HS3ST5: variants seen among roughly 807,000 people sequenced by gnomAD.
HS3ST5 encodes heparan sulfate-glucosamine 3-sulfotransferase 5.
HS3ST5 carries 10 observed loss-of-function variants against 25.4 expected under a neutral mutation model. The ratio of observed to expected loss-of-function variants is 0.39; its 90% confidence interval spans 0.24 to 0.67. The LOEUF is 0.67. Ranked by LOEUF, HS3ST5 falls within the 30% of genes least tolerant of loss-of-function variation. The pLI, the probability that HS3ST5 is intolerant of heterozygous loss-of-function variation, is 0.44. For synonymous variants in HS3ST5, 170 were observed against 162.4 expected (o/e 1.05, Z -0.36); for missense variants, 324 against 420.7 (o/e 0.77, Z 2.01).
At chr6:114,216,393 T>A (rs1053556158) in intron 2 of HS3ST5, among the ~76,000 whole-genome samples, 2 of 152,200 alleles carry the variant, frequency 1.3e-5, no homozygotes, top group African/African-American at 4.8e-5. Flanking sequence ...GCTGTTAATT[T>A]TTTTATACTC....
At chr6:114,341,438 C>G (rs1776866731) in intron 1 of HS3ST5, among the ~76,000 whole-genome samples, 1 of 152,146 alleles carries the variant, frequency 6.6e-6, no homozygotes, top group Admixed American at 6.5e-5. Flanking sequence ...AAGACATCCA[C>G]CTTAAGCTGG....
At chr6:114,191,284 G>A (rs1216299694) in intron 2 of HS3ST5, among the ~76,000 whole-genome samples, 1 of 151,986 alleles carries the variant, frequency 6.6e-6, no homozygotes, top group Non-Finnish European at 1.5e-5. Flanking sequence ...ACTATAAAAT[G>A]AAAATATACT....
intron 2 of HS3ST5, among the ~76,000 whole-genome samples, chr6:114,187,945 C>T (rs747097623): frequency 2.0e-5 from 3 of 152,094 alleles, no homozygotes; most frequent in African/African-American, 4.8e-5. Context: ...TGCAGATGAT[C>T]GTTAGCAATA....
At chr6:114,079,554 G>A (rs1774333151) in intron 3 of HS3ST5, among the ~76,000 whole-genome samples, 1 of 152,130 alleles carries the variant, frequency 6.6e-6, no homozygotes, top group Non-Finnish European at 1.5e-5. Context: ...TTCCTCCACT[G>A]AAGTCTTGAA....
At chr6:114,168,849 G>A (rs911251958) in intron 2 of HS3ST5, among the ~76,000 whole-genome samples, 5 of 152,108 alleles carry the variant, frequency 3.3e-5, no homozygotes, top group Admixed American at 6.6e-5. Flanking sequence ...AAAATGTTAT[G>A]TATTGTGTAT....
At chr6:114,221,285 T>C (rs984352188) in intron 2 of HS3ST5, among the ~76,000 whole-genome samples, 1 of 152,010 alleles carries the variant, frequency 6.6e-6, no homozygotes, top group Non-Finnish European at 1.5e-5. Flanking sequence ...CCTACATTTT[T>C]AATAAAATTA....
At chr6:114,341,349 G>C (rs1562281514) in intron 1 of HS3ST5, among the ~76,000 whole-genome samples, 1 of 152,008 alleles carries the variant, frequency 6.6e-6, no homozygotes, top group East Asian at 1.9e-4. Context: ...AAGTAGGGAA[G>C]CGGAAGAGTA....
chr6:114,213,075 T>C (rs1018757364), intron 2 of HS3ST5, among the ~76,000 whole-genome samples: 1 of 152,062 alleles, frequency 6.6e-6, no homozygotes, highest in African/African-American at 2.4e-5. Flanking sequence ...TTATTGCCGA[T>C]GAAAGTGGCT....
intron 1 of HS3ST5, among the ~76,000 whole-genome samples, chr6:114,299,357 G>A (rs1319444934): frequency 2.0e-5 from 3 of 152,192 alleles, no homozygotes; most frequent in African/African-American, 7.2e-5. Context: ...AACTTCATTA[G>A]CAATTTTAAT....
At chr6:114,146,976 A>G (rs1269853452) in intron 3 of HS3ST5, among the ~76,000 whole-genome samples, 1 of 152,184 alleles carries the variant, frequency 6.6e-6, no homozygotes, top group Non-Finnish European at 1.5e-5. Flanking sequence ...AGCTGAATAC[A>G]CTGAGCAGCA....
chr6:114,257,258 G>T (rs1445875904), intron 1 of HS3ST5, among the ~76,000 whole-genome samples: 1 of 152,190 alleles, frequency 6.6e-6, no homozygotes, highest in Non-Finnish European at 1.5e-5. Flanking sequence ...GCAGGGCATA[G>T]CCCAGGTTTT....
Position 114,307,671 on chromosome 6 carries a change from A to C in HS3ST5, c.-339+34524T>G, listed in dbSNP as rs939795319. Among the ~76,000 whole-genome samples, 4 of 152,234 alleles carry C rather than the reference A, an allele frequency of 2.6e-5. No individual in the cohort carries two copies. In the East Asian group the frequency reaches 7.7e-4, roughly 29 times the overall value. On this transcript the variant is annotated intron_variant, in intron 1 of 4. Transcript: ENST00000312719. ...GAAAGAATTTGCATTTAAATTTAAA[A>C]AGTAGATGAATTGGCGTTTACTAGT...
At chr6:114,128,835 G>A (rs1441527222) in intron 3 of HS3ST5, among the ~76,000 whole-genome samples, 1 of 152,200 alleles carries the variant, frequency 6.6e-6, no homozygotes, top group East Asian at 1.9e-4. Flanking sequence ...ATAGCTCTCA[G>A]TGTTGCTCTT....
chr6:114,192,687 C>T (rs1051448671), intron 2 of HS3ST5, among the ~76,000 whole-genome samples: 2 of 152,094 alleles, frequency 1.3e-5, no homozygotes, highest in Non-Finnish European at 2.9e-5. Flanking sequence ...ATTTAGAAGA[C>T]TCAGAGGGAG....
At chr6:114,317,795 CG>C (rs1462041221) in intron 1 of HS3ST5, among the ~76,000 whole-genome samples, 1 of 1,698 alleles carries the variant, frequency 5.9e-4, no homozygotes, top group Non-Finnish European at 1.6e-3. Context: ...TGATGGGAGG[CG>C]GGGGGCGGGG....
intron 1 of HS3ST5, among the ~76,000 whole-genome samples, chr6:114,325,164 A>G (rs113561274): frequency 1.7e-4 from 26 of 152,176 alleles, no homozygotes; most frequent in African/African-American, 6.0e-4. Flanking sequence ...CTTCAGTAAG[A>G]AATTTGGCTT....
intron 3 of HS3ST5, among the ~76,000 whole-genome samples, chr6:114,079,745 A>G (rs1451317219): frequency 6.6e-6 from 1 of 152,158 alleles, no homozygotes; most frequent in African/African-American, 2.4e-5. Context: ...AATGGGAGCT[A>G]TAGCCTTATG....
At chr6:114,189,969 G>A (rs1780419655) in intron 2 of HS3ST5, among the ~76,000 whole-genome samples, 1 of 152,174 alleles carries the variant, frequency 6.6e-6, no homozygotes, top group Admixed American at 6.5e-5. Context: ...ATTCCCCAAA[G>A]AAAACTGATT....
At chr6:114,254,168 A>G (rs1165579703) in intron 1 of HS3ST5, among the ~76,000 whole-genome samples, 1 of 152,154 alleles carries the variant, frequency 6.6e-6, no homozygotes. Flanking sequence ...GCAGTGGTGG[A>G]GCCTCCTGGC....
Sources: gnomAD v4.1 joint callset for allele counts (sites outside exome capture counted in the v4.1 genomes callset) on GRCh38, gnomAD v4.1.1 for gene constraint, MANE v1.5 for transcripts, NCBI Gene and HGNC (gene_info 2026-07-23, HGNC 2026-07-21) for gene names.